SACS: variants seen among roughly 807,000 people sequenced by gnomAD.
The protein encoded by SACS is sacsin molecular chaperone, also known as sacsin.
In SACS, 197 loss-of-function variants were observed where a neutral mutation model predicts 348.0. The ratio of observed to expected loss-of-function variants is 0.57; its 90% CI spans 0.50 to 0.64. The LOEUF is 0.64. Among genes scored for constraint, SACS ranks in the 30% least tolerant of loss-of-function variants. The pLI, the probability that SACS is intolerant of heterozygous loss-of-function variation, is 0.00. For missense variants in SACS, 4,999 were observed against 5,360.8 expected (o/e 0.93, Z 2.11); for synonymous variants, 1,985 against 1,910.6 (o/e 1.04, Z -1.02).
At chr13:23,361,638 A>G (rs890598377) in intron 6 of SACS, among the ~76,000 whole-genome samples, 2 of 152,146 alleles carry the variant, frequency 1.3e-5, no homozygotes, top group African/African-American at 4.8e-5. Context: ...TTAGCTGGGC[A>G]TGGTGGCAGA....
In SACS at chr13:23,337,415, G is replaced by C; in HGVS notation, c.6461C>G (p.Ala2154Gly). The part of the protein sequence containing the change: ...ILIKLVQLGM[A>G]KDDILWDDML... The stretch of plus-strand genomic sequence containing the variant: ...ATCATCCCATAAAATATCATCTTTT[G>C]CCATACCTAACTGAACTAGTTTAAT... Residue 2154 changes from alanine (A) to glycine (G), a missense_variant, in exon 10 of 10, where the codon GCA (alanine) becomes GGA (glycine). Around this residue, in one of 6 missense-constraint regions of SACS, gnomAD observed 3,156 missense variants for 3,380.1 expected, o/e 0.93. Coordinates refer to ENST00000382292, the MANE Select transcript of SACS (RefSeq NM_014363.6). The C allele has an allele frequency of 6.2e-7, 1 of 1,612,672 alleles. No individual in the cohort carries two copies. The highest frequency in any genetic ancestry group is 1.1e-5 in the South Asian group (1 of 90,782).
At position 23,336,829 on chromosome 13, in the gene SACS, A is replaced by T. The variant is rs1437888709; in HGVS notation, c.7047T>A (p.Val2349=). Reference sequence around the variant, plus strand: ...TTTCTGAGTCAACATATGCATTCTCAACTAGAATGAAGCTAAAGGGTTTTA... The same window carrying T: ...TTTCTGAGTCAACATATGCATTCTCTACTAGAATGAAGCTAAAGGGTTTTA... The part of the protein sequence containing the change: ...DKLKPFSFIL[V]ENAYVDSEKV... The change falls in exon 10 of 10, where the codon GTT becomes GTA. Residue 2349 remains valine (V), a synonymous_variant. Transcript: ENST00000382292. 1 of 1,613,108 alleles carries T rather than the reference A, an allele frequency of 6.2e-7. No individual in the cohort carries two copies. The highest frequency in any genetic ancestry group is 8.5e-7 in the Non-Finnish European group (1 of 1,179,148).
rs745528951 is a variant in SACS at position 23,338,637 on chromosome 13, T to G, written c.5239A>C (p.Lys1747Gln). The change falls in exon 10 of 10, where the codon AAA (lysine) becomes CAA (glutamine). Residue 1747 changes from lysine to glutamine, a missense_variant. This residue lies in a region of SACS where 3,156 missense variants were observed against 3,380.1 expected (regional missense o/e 0.93). Transcript: ENST00000382292. ...KLMKTCSSSN[K>Q]KLPSDEPKSS... Reference sequence around the variant, plus strand: ...TTTGGTTCATCACTGGGAAGCTTTTTATTACTGCTGCTGCAAGTCTTCATG... The same window carrying G: ...TTTGGTTCATCACTGGGAAGCTTTTGATTACTGCTGCTGCAAGTCTTCATG... 1.2e-6 allele frequency: 2 copies of G among 1,614,192 alleles called. No homozygotes were observed. Among genetic ancestry groups the G allele is most frequent in the South Asian group, 2.2e-5 (2 of 91,084 alleles).
chr13:23,336,354 T>C lies in SACS; in HGVS notation c.7522A>G (p.Arg2508Gly). 1 of 1,614,110 alleles carries C rather than the reference T, an allele frequency of 6.2e-7. No homozygotes were observed. The highest frequency in any genetic ancestry group is 8.5e-7 in the Non-Finnish European group (1 of 1,179,958). Reference sequence around the variant, plus strand: ...GTAAAACAGACATTGGATGCATATCTTTCTAAGGCTTTGTGTCGCTTTGGG... The same window carrying C: ...GTAAAACAGACATTGGATGCATATCCTTCTAAGGCTTTGTGTCGCTTTGGG... The part of the protein sequence containing the change: ...AVPKRHKALE[R>G]YASNVCFTTL... The change falls in exon 10 of 10, where the codon AGA (arginine) becomes GGA (glycine). Residue 2508 changes from arginine to glycine, a missense_variant. Physicochemically the swap from Arg to Gly is moderately radical, Grantham distance 125 (BLOSUM62 -2). This residue lies in a region of SACS where 3,156 missense variants were observed against 3,380.1 expected (regional missense o/e 0.93). Coordinates refer to ENST00000382292, the MANE Select transcript of SACS (RefSeq NM_014363.6).
intron 3 of SACS, among the ~76,000 whole-genome samples, chr13:23,372,598 C>T (rs779892589): frequency 5.9e-5 from 9 of 152,194 alleles, no homozygotes; most frequent in African/African-American, 9.7e-5. Context: ...ACAGGCAGGA[C>T]AGGAAGTAGG....
intron 2 of SACS, among the ~76,000 whole-genome samples, chr13:23,380,510 T>C (rs556081429): frequency 6.6e-6 from 1 of 152,198 alleles, no homozygotes; most frequent in East Asian, 1.9e-4. Flanking sequence ...GGTGAGAAAC[T>C]CGAAACCAAG....
rs1421861680 is a variant in SACS at position 23,329,252 on chromosome 13, TG to T, written c.*883del. 7 of 518,406 alleles carry T rather than the reference TG, an allele frequency of 1.4e-5. 1 individual carries two copies. The East Asian group carries it at 1.4e-4, about 10-fold the overall frequency. The allele number at this position is 518,406 out of a possible 1,614,324, so 32.1% of individuals were successfully genotyped here. On this transcript the variant is annotated 3_prime_UTR_variant, in exon 10 of 10. Transcript: ENST00000382292. The stretch of plus-strand genomic sequence containing the variant: ...TACATGCCATATTGAAAGAAAAGGT[TG>T]TTTTTTTTTTAACTGCAGCACCTTT...
chr13:23,429,761 G>T (rs767512857), intron 1 of SACS, among the ~76,000 whole-genome samples: 1 of 152,108 alleles, frequency 6.6e-6, no homozygotes, highest in African/African-American at 2.4e-5. Flanking sequence ...TGTGGAGCCA[G>T]GTTCCAAAAC....
In SACS at chr13:23,375,534, C is replaced by G. The variant is rs961551620; in HGVS notation, c.21-265G>C. 268 of 1,080,072 alleles carry G rather than the reference C, an allele frequency of 2.5e-4. 2 individuals are homozygous for G. The East Asian group carries it at 0.012, about 49-fold the overall frequency. 66.9% of individuals were successfully genotyped at this position (1,080,072 alleles called of 1,614,324 possible). A position where few individuals can be genotyped will look rare whatever the true frequency, so the allele number is the denominator to read the frequency against. ...AAACGCTAGAGGAAGCCGCGGCGGC[C>G]GAGGAGCAGGCGGGGGCGGGGACTG... On this transcript the variant is annotated intron_variant, in intron 2 of 9. Coordinates refer to ENST00000382292, the MANE Select transcript of SACS (RefSeq NM_014363.6).
At chr13:23,414,070 C>T (rs918604777) in intron 1 of SACS, among the ~76,000 whole-genome samples, 5 of 152,038 alleles carry the variant, frequency 3.3e-5, no homozygotes, top group East Asian at 3.9e-4. Context: ...GTTGGGAGGC[C>T]GAGGCAGGAG....
Position 23,341,256 on chromosome 13 carries a change from T to A in SACS, c.2620A>T (p.Ser874Cys), listed in dbSNP as rs1566071909. ...IKKYIHSPLP[S>C]AVLQIMEKMP... Reference sequence around the variant, plus strand: ...TTCTCCATTATCTGCAAAACAGCACTTGGTAATGGTGAATGAATATATTTT... The same window carrying A: ...TTCTCCATTATCTGCAAAACAGCACATGGTAATGGTGAATGAATATATTTT... Residue 874 changes from serine to cysteine, a missense_variant, in exon 10 of 10, where the codon AGT (serine) becomes TGT (cysteine). Around this residue, in one of 6 missense-constraint regions of SACS, gnomAD observed 3,156 missense variants for 3,380.1 expected, o/e 0.93. Transcript: ENST00000382292. 2 of 1,613,832 alleles carry A rather than the reference T, an allele frequency of 1.2e-6. No individual in the cohort carries two copies. The highest frequency in any genetic ancestry group is 2.2e-5 in the South Asian group (2 of 91,054).
intron 3 of SACS, among the ~76,000 whole-genome samples, chr13:23,372,066 A>G (rs1871424778): frequency 6.6e-6 from 1 of 152,228 alleles, no homozygotes; most frequent in Non-Finnish European, 1.5e-5. Context: ...AATAGTCATT[A>G]ATATGTCACA....
chr13:23,329,518 TAAAG>T lies in SACS; in HGVS notation c.*614_*617del. ...ATAAGATGTTAAAAAAAAATTTAAA[TAAAG>T]ATGTAAAGTGCACTCAGTGCACTCT... On this transcript the variant is annotated 3_prime_UTR_variant, in exon 10 of 10. Transcript: ENST00000382292. 1.4e-6 allele frequency: 1 copy of T among 712,996 alleles called. No homozygotes were observed. The highest frequency in any genetic ancestry group is 1.8e-5 in the African/African-American group (1 of 55,840). The allele number at this position is 712,996 out of a possible 1,614,324, so 44.2% of individuals were successfully genotyped here.
chr13:23,371,442 G>A (rs1383095725), intron 3 of SACS, among the ~76,000 whole-genome samples: 6 of 152,032 alleles, frequency 3.9e-5, no homozygotes, highest in South Asian at 2.1e-4. Context: ...ATGATGAATC[G>A]GGATCATTAA....
intron 5 of SACS, among the ~76,000 whole-genome samples, chr13:23,367,522 A>G (rs903631009): frequency 5.9e-5 from 9 of 152,146 alleles, no homozygotes; most frequent in African/African-American, 2.2e-4. Context: ...TTAAACACAA[A>G]ATCTAATTTT....
Position 23,338,863 on chromosome 13 carries a change from A to G in SACS, c.5013T>C (p.Ser1671=). The change falls in exon 10 of 10, where the codon TCT becomes TCC. Residue 1671 remains serine, a synonymous_variant. Coordinates refer to ENST00000382292, the MANE Select transcript of SACS (RefSeq NM_014363.6). ...STCYNTADIY[S]LVDEFSLCGH... ...CACAGAGACTAAATTCATCCACAAG[A>G]GAATAAATATCTGCTGTATTGTAGC... 1 of 1,613,150 alleles carries G rather than the reference A, an allele frequency of 6.2e-7. No individual in the cohort carries two copies. Among genetic ancestry groups the G allele is most frequent in the Non-Finnish European group, 8.5e-7 (1 of 1,179,798 alleles).
At chr13:23,403,255 A>G (rs189052321) in intron 2 of SACS, among the ~76,000 whole-genome samples, 18 of 152,086 alleles carry the variant, frequency 1.2e-4, no homozygotes, top group Admixed American at 1.2e-3. Flanking sequence ...AGGTTTTGGT[A>G]TCAGGATGAT....
At position 23,354,618 on chromosome 13, in the gene SACS, C is replaced by T; in HGVS notation, c.1994G>A (p.Gly665Glu). 6.2e-7 allele frequency: 1 copy of T among 1,614,172 alleles called. No homozygotes were observed. The highest frequency in any genetic ancestry group is 8.5e-7 in the Non-Finnish European group (1 of 1,180,028). Residue 665 changes from glycine (G) to glutamate (E), a missense_variant, in exon 8 of 10, where the codon GGG (glycine) becomes GAG (glutamate). Physicochemically the swap from Gly to Glu is moderately conservative, Grantham distance 98. Around this residue, in one of 6 missense-constraint regions of SACS, gnomAD observed 3,156 missense variants for 3,380.1 expected, o/e 0.93. Transcript: ENST00000382292. ...LSDQAYSELL[G>E]LELLPLQNGN... ...ATTTTGTAAAGGGAGCAGCTCCAGC[C>T]CAAGCAGCTCACTGTAGGCTTGGTC...
In SACS at chr13:23,330,331, T is replaced by C. The variant is rs1356049808; in HGVS notation, c.13545A>G (p.Gln4515=). The part of the protein sequence containing the change: ...LAQKIEEYSQ[Q]LEGLTNDVHT... ...GAACATCATTTGTCAGTCCTTCAAG[T>C]TGCTGACTATATTCCTCTATTTTCT... The change falls in exon 10 of 10, where the codon CAA becomes CAG. Residue 4515 remains glutamine, a synonymous_variant. Coordinates refer to ENST00000382292, the MANE Select transcript of SACS (RefSeq NM_014363.6). The C allele has an allele frequency of 6.2e-7, 1 of 1,614,230 alleles. No homozygotes were observed. The highest frequency in any genetic ancestry group is 1.1e-5 in the South Asian group (1 of 91,086).
Sources: allele counts gnomAD v4.1 joint callset (sites outside exome capture counted in the v4.1 genomes callset), GRCh38; gene constraint gnomAD v4.1.1; regional missense constraint gnomAD v4.1.1; transcripts MANE v1.5; gene names NCBI Gene and HGNC (gene_info 2026-07-23, HGNC 2026-07-21).